The following FER variants were observed in gnomAD, a reference collection of about 807,000 sequenced individuals.
The protein encoded by FER is tyrosine-protein kinase Fer.
In FER, 63 loss-of-function variants were observed where a neutral mutation model predicts 111.0. The ratio of observed to expected loss-of-function variants is 0.57; its 90% confidence interval spans 0.46 to 0.70. The LOEUF (loss-of-function observed/expected upper bound fraction) is 0.70. FER is among the 30% of genes least tolerant of loss of function. The pLI is 0.00. For missense variants in FER, 914 were observed against 954.0 expected, an observed-to-expected ratio of 0.96 and a Z score of 0.55; for synonymous variants, 327 against 313.9, an observed-to-expected ratio of 1.04 and a Z score of -0.44.
intron 10 of FER, among the ~76,000 whole-genome samples, chr5:108,900,738 T>C (rs901967098): frequency 1.5e-4 from 23 of 152,314 alleles, no homozygotes; most frequent in African/African-American, 5.3e-4. Context: ...ACTGTACCAT[T>C]GAAATGTGCC....
chr5:108,865,480 C>A (rs994367306), intron 5 of FER, among the ~76,000 whole-genome samples: 1 of 151,920 alleles, frequency 6.6e-6, no homozygotes, highest in African/African-American at 2.4e-5. Flanking sequence ...CCATAAAAAC[C>A]CCAGAAGAAA....
chr5:108,835,658 A>G (rs755477097), intron 4 of FER, 50 bp from the exon 5 acceptor site: 1 of 1,223,794 alleles, frequency 8.2e-7, no homozygotes, highest in South Asian at 1.4e-5. Context: ...TTCTTGAGCA[A>G]TTTAAATTTA....
chr5:109,042,484 A>C (rs1771317814), intron 14 of FER, among the ~76,000 whole-genome samples: 1 of 152,164 alleles, frequency 6.6e-6, no homozygotes, highest in Admixed American at 6.5e-5. Flanking sequence ...TGGTCTGGGA[A>C]AGCATAGTCA....
chr5:108,991,905 T>G (rs1343284302), intron 13 of FER, among the ~76,000 whole-genome samples: 1 of 152,020 alleles, frequency 6.6e-6, no homozygotes, highest in Non-Finnish European at 1.5e-5. Context: ...TATTGATCAT[T>G]CTTGGGTGTT....
intron 17 of FER, among the ~76,000 whole-genome samples, chr5:109,141,719 C>T (rs750564257): frequency 3.9e-5 from 6 of 152,204 alleles, no homozygotes; most frequent in Non-Finnish European, 7.3e-5. Flanking sequence ...ACAGTCATCA[C>T]TTCTGCTCAA....
intron 16 of FER, among the ~76,000 whole-genome samples, chr5:109,079,074 G>A (rs1776691811): frequency 6.6e-6 from 1 of 152,102 alleles, no homozygotes; most frequent in Non-Finnish European, 1.5e-5. Context: ...AGTTATGGGA[G>A]ACATTTAAAG....
chr5:108,966,678 G>T (rs144647593), intron 13 of FER, among the ~76,000 whole-genome samples: 1 of 151,994 alleles, frequency 6.6e-6, no homozygotes, highest in African/African-American at 2.4e-5. Flanking sequence ...GAGCCACTGC[G>T]CCTGGCCAAG....
intron 17 of FER, among the ~76,000 whole-genome samples, chr5:109,152,024 A>G (rs1273028656): frequency 1.3e-5 from 2 of 152,076 alleles, no homozygotes; most frequent in African/African-American, 4.8e-5. Flanking sequence ...GTAGATAGTC[A>G]AGGTATTTTA....
intron 5 of FER, among the ~76,000 whole-genome samples, chr5:108,840,212 T>C (rs770707317): frequency 6.6e-6 from 1 of 152,216 alleles, no homozygotes; most frequent in Non-Finnish European, 1.5e-5. Context: ...AATGCAATTA[T>C]CATTTCTAAT....
At chr5:109,047,243 T>C (rs1337870795) in intron 16 of FER, 45 bp downstream of exon 16, 1 of 1,083,614 alleles carries the variant, frequency 9.2e-7, no homozygotes, top group Non-Finnish European at 1.4e-6. Context: ...TTTAATGTCA[T>C]GTTTTATTGT....
intron 2 of FER, among the ~76,000 whole-genome samples, chr5:108,789,545 A>C (rs1409532963): frequency 6.6e-6 from 1 of 152,134 alleles, no homozygotes; most frequent in Non-Finnish European, 1.5e-5. Context: ...AATATTTGCA[A>C]TAACAACAAC....
intron 3 of FER, among the ~76,000 whole-genome samples, chr5:108,828,835 T>TA (rs1158787452): frequency 2.6e-5 from 4 of 152,192 alleles, no homozygotes; most frequent in African/African-American, 9.7e-5. Flanking sequence ...TGCAGTAGCT[T>TA]ACGCCTGTAA....
intron 5 of FER, among the ~76,000 whole-genome samples, chr5:108,851,522 C>A (rs1762545646): frequency 6.6e-6 from 1 of 152,030 alleles, no homozygotes; most frequent in Admixed American, 6.6e-5. Context: ...CATGCAGGTT[C>A]TTGTGCGGAT....
At chr5:108,778,923 A>G (rs551302110) in intron 2 of FER, among the ~76,000 whole-genome samples, 4 of 152,130 alleles carry the variant, frequency 2.6e-5, no homozygotes, top group African/African-American at 9.6e-5. Flanking sequence ...GTTGTCCTCT[A>G]GGAGTTTTAC....
At position 109,194,652 on chromosome 5, in the gene FER, A is replaced by G. The variant is rs564429340; in HGVS notation, c.*7077A>G. On this transcript the variant is annotated 3_prime_UTR_variant, in exon 20 of 20. Transcript: ENST00000281092. ...GCAATTCATCTGATCCCAGAAGATCATACCTTCTTTTGAAAGTATAGGACA... is the reference window on the plus strand; with the variant it reads ...GCAATTCATCTGATCCCAGAAGATCGTACCTTCTTTTGAAAGTATAGGACA... 6.6e-6 allele frequency: 1 copy of G among 152,360 alleles called. No individual in the cohort carries two copies. Among genetic ancestry groups the G allele is most frequent in the Non-Finnish European group, 1.5e-5 (1 of 68,038 alleles). 9.4% of individuals were successfully genotyped at this position (152,360 alleles called of 1,614,324 possible).
chr5:108,941,099 C>A (rs1164424525), intron 10 of FER, among the ~76,000 whole-genome samples: 3 of 152,098 alleles, frequency 2.0e-5, no homozygotes, highest in African/African-American at 7.2e-5. Context: ...TTTCCTAAAG[C>A]TGGTGGATCA....
chr5:108,808,479 G>A (rs935203309), intron 3 of FER, among the ~76,000 whole-genome samples: 18 of 143,720 alleles, frequency 1.3e-4, no homozygotes, highest in Admixed American at 4.8e-4. Flanking sequence ...CTCTGTGCCT[G>A]TGGGTGTCAA....
intron 4 of FER, among the ~76,000 whole-genome samples, chr5:108,834,166 T>C (rs1760355386): frequency 6.6e-6 from 1 of 152,218 alleles, no homozygotes; most frequent in African/African-American, 2.4e-5. Context: ...GTTTTTCTGT[T>C]AGCATCTTAT....
chr5:108,811,036 G>A (rs1474671466), intron 3 of FER, among the ~76,000 whole-genome samples: 1 of 151,986 alleles, frequency 6.6e-6, no homozygotes, highest in Admixed American at 6.5e-5. Flanking sequence ...AGTGCTCCAA[G>A]TACCTGGAGA....
Sources: gnomAD v4.1 joint callset for allele counts (sites outside exome capture counted in the v4.1 genomes callset) on GRCh38, gnomAD v4.1.1 for gene constraint, MANE v1.5 for transcripts, NCBI Gene and HGNC (gene_info 2026-07-23, HGNC 2026-07-21) for gene names.